The following VPS53 variants were observed in gnomAD, a reference collection of about 807,000 sequenced individuals.
VPS53 encodes the protein VPS53 subunit of GARP complex, also known as vacuolar protein sorting-associated protein 53 homolog.
VPS53 carries 70 observed loss-of-function variants against 107.0 expected under a neutral mutation model. The observed-to-expected ratio is 0.65, with a 90% CI of 0.54 to 0.80. VPS53 has a LOEUF of 0.80. Ranked by LOEUF, VPS53 falls within the 30% of genes least tolerant of loss-of-function variation. VPS53 has a pLI of 0.00. For missense variants in VPS53, 917 were observed against 1,049.4 expected (o/e 0.87, Z 1.74); for synonymous variants, 409 against 393.3 (o/e 1.04, Z -0.47).
intron 4 of VPS53, among the ~76,000 whole-genome samples, chr17:667,775 T>C (rs926057391): frequency 6.6e-6 from 1 of 151,992 alleles, no homozygotes; most frequent in African/African-American, 2.4e-5. Context: ...CCGTGGCCTG[T>C]TGGGAACTGG....
At chr17:526,122 TG>T (rs1909116301) in intron 19 of VPS53, among the ~76,000 whole-genome samples, 1 of 152,164 alleles carries the variant, frequency 6.6e-6, no homozygotes, top group Admixed American at 6.5e-5. Flanking sequence ...CTGGAATTTT[TG>T]TTTAAAGACT....
chr17:518,871 T>C lies in VPS53; in HGVS notation c.*257A>G. 6.4e-6 allele frequency: 2 copies of C among 313,606 alleles called. No homozygotes were observed. Among genetic ancestry groups the C allele is most frequent in the Non-Finnish European group, 1.2e-5 (2 of 170,328 alleles). The allele number at this position is 313,606 out of a possible 1,614,324, so 19.4% of individuals were successfully genotyped here. On this transcript the variant is annotated 3_prime_UTR_variant, in exon 22 of 22. Transcript: ENST00000437048. ...ATGAGTCAAGGGCAGCTCAGGGACC[T>C]ATCCTCCACTGCTGCCTCTGCTTCA...
intron 13 of VPS53, among the ~76,000 whole-genome samples, chr17:570,412 G>A (rs1401611258): frequency 6.9e-6 from 1 of 145,656 alleles, no homozygotes; most frequent in Non-Finnish European, 1.5e-5. Context: ...CACATCACAA[G>A]TTTTGGGATA....
chr17:667,314 CAAG>C (rs1174616339), intron 4 of VPS53, among the ~76,000 whole-genome samples: 1 of 142,786 alleles, frequency 7.0e-6, no homozygotes. Context: ...CTTTTTTTTT[CAAG>C]AAGTTTTTGC....
At chr17:618,973 C>T (rs988082232) in intron 11 of VPS53, among the ~76,000 whole-genome samples, 1 of 149,922 alleles carries the variant, frequency 6.7e-6, no homozygotes, top group Non-Finnish European at 1.5e-5. Flanking sequence ...GCTGGGACTA[C>T]ACGTGTGCAC....
intron 17 of VPS53, chr17:537,961 G>A (rs1200039230): frequency 6.6e-6 from 1 of 152,296 alleles, no homozygotes; most frequent in Non-Finnish European, 1.5e-5. Flanking sequence ...GTAAGATGGA[G>A]ACGTGGGGAA....
intron 2 of VPS53, among the ~76,000 whole-genome samples, chr17:704,255 C>G (rs1243304027): frequency 6.6e-6 from 1 of 152,112 alleles, no homozygotes; most frequent in African/African-American, 2.4e-5. Flanking sequence ...CATGGAAAAT[C>G]CCAAGCTCCT....
At chr17:692,258 GC>G (rs1368006202) in intron 4 of VPS53, among the ~76,000 whole-genome samples, 37 of 152,122 alleles carry the variant, frequency 2.4e-4, no homozygotes, top group African/African-American at 8.7e-4. Flanking sequence ...TTGGGAAGCT[GC>G]AAAAATTTCA....
At chr17:565,937 C>G (rs536227119) in intron 13 of VPS53, among the ~76,000 whole-genome samples, 32 of 152,318 alleles carry the variant, frequency 2.1e-4, no homozygotes, top group African/African-American at 7.5e-4. Context: ...GGCGCGGTGG[C>G]TCACGCCTGT....
chr17:518,081 C>T lies in VPS53; in HGVS notation c.*1047G>A, dbSNP rs574263084. ...CCGCCGTGCCTGGCAAGATATCATT[C>T]TTCAGCAAAAGCAGGCAGCAACAGC... is the stretch of plus-strand genomic sequence containing the variant. On this transcript the variant is annotated 3_prime_UTR_variant, in exon 22 of 22. Coordinates refer to ENST00000437048, the MANE Select transcript of VPS53 (RefSeq NM_001128159.3). 2 of 152,436 alleles carry T rather than the reference C, an allele frequency of 1.3e-5. No homozygotes were observed. The highest frequency in any genetic ancestry group is 4.1e-4 in the South Asian group (2 of 4,834). The allele number at this position is 152,436 out of a possible 1,614,324, so 9.4% of individuals were successfully genotyped here.
intron 12 of VPS53, among the ~76,000 whole-genome samples, chr17:598,617 C>T (rs1475633535): frequency 2.7e-5 from 4 of 149,052 alleles, no homozygotes; most frequent in South Asian, 2.1e-4. Flanking sequence ...CCTGCCGCCC[C>T]GTCTGGGATG....
rs77800663 is a variant in VPS53 at position 618,532 on chromosome 17, C to A, written c.1116+5001G>T. Among the ~76,000 whole-genome samples the A allele has an allele frequency of 6.1e-3, 920 of 151,406 alleles. 15 individuals carry two copies. The highest frequency in any genetic ancestry group is 0.021 in the African/African-American group (883 of 41,098). ...CACCCCACTAATATTTCCTGGGTAG[C>A]TGGGACTACAGGCATGCGCCATCAG... On this transcript the variant is annotated intron_variant, in intron 11 of 21. Transcript: ENST00000437048.
chr17:519,236 C>T lies in VPS53; in HGVS notation c.2391G>A (p.Pro797=), dbSNP rs1012723068. The T allele has an allele frequency of 9.0e-6, 14 of 1,547,418 alleles. No homozygotes were observed. Among genetic ancestry groups the T allele is most frequent in the Middle Eastern group, 3.4e-4 (2 of 5,960 alleles). Residue 797 remains proline (P), a synonymous_variant, in exon 22 of 22, where the codon CCG becomes CCA. Transcript: ENST00000437048. This position sits in a 1 kb window ranked among gnomAD's most constrained non-coding sequence, Gnocchi z 5.0. ...LELLRQRLPA[P]PSGAESSGSL... is the part of the protein sequence containing the mutation. ...AGCCGGAGCTTTCTGCCCCCGAGGG[C>T]GGTGCGGGGAGCCGCTGGCGCAGGA...
At chr17:708,944 C>T (rs1308560956) in intron 2 of VPS53, among the ~76,000 whole-genome samples, 2 of 152,210 alleles carry the variant, frequency 1.3e-5, no homozygotes, top group African/African-American at 2.4e-5. Context: ...TCTCTTGCCT[C>T]GGCACCTGGG....
intron 1 of VPS53, among the ~76,000 whole-genome samples, chr17:713,435 C>G (rs564123855): frequency 1.4e-5 from 2 of 147,136 alleles, no homozygotes; most frequent in African/African-American, 5.0e-5. Flanking sequence ...GGCGGATAGC[C>G]TGAGGTCAGG....
chr17:588,111 T>C (rs951831312), intron 12 of VPS53, among the ~76,000 whole-genome samples: 1 of 151,888 alleles, frequency 6.6e-6, no homozygotes, highest in East Asian at 1.9e-4. Context: ...AGGTCAGGAG[T>C]TCAAGACCAG....
chr17:529,896 G>C (rs1205533716), intron 19 of VPS53, among the ~76,000 whole-genome samples: 1 of 151,352 alleles, frequency 6.6e-6, no homozygotes, highest in Non-Finnish European at 1.5e-5. Context: ...AGCCAGCCAG[G>C]CATGGTAGTA....
chr17:677,199 A>G (rs1368794703), intron 4 of VPS53, among the ~76,000 whole-genome samples: 1 of 152,206 alleles, frequency 6.6e-6, no homozygotes, highest in Non-Finnish European at 1.5e-5. Flanking sequence ...GAAACAATCC[A>G]AGTGTCCATG....
At chr17:664,857 G>A (rs2143640580) in intron 4 of VPS53, among the ~76,000 whole-genome samples, 1 of 152,274 alleles carries the variant, frequency 6.6e-6, no homozygotes, top group African/African-American at 2.4e-5. Context: ...GAGGGAGAGG[G>A]AGAACCAAGG....
Sources: gnomAD v4.1 joint callset for allele counts (sites outside exome capture counted in the v4.1 genomes callset) on GRCh38, gnomAD v4.1.1 for gene constraint, Gnocchi (gnomAD v3.1) non-coding constraint, MANE v1.5 for transcripts, NCBI Gene and HGNC (gene_info 2026-07-23, HGNC 2026-07-21) for gene names.